NRXN3: variants seen among roughly 807,000 people sequenced by gnomAD.
The protein encoded by NRXN3 is neurexin III.
A neutral mutation model predicts 137.6 loss-of-function variants in NRXN3; 32 were observed. The ratio of observed to expected loss-of-function variants is 0.23; its 90% confidence interval spans 0.18 to 0.31. The LOEUF is 0.31. Among genes scored for constraint, NRXN3 ranks in the 10% least tolerant of loss-of-function variants. The pLI is 1.00. For synonymous variants in NRXN3, 798 were observed against 784.5 expected, an observed-to-expected ratio of 1.02 and a Z score of -0.29; for missense variants, 1,574 against 2,062.5, an observed-to-expected ratio of 0.76 and a Z score of 4.59.
chr14:79,531,638 A>G (rs1261743914), intron 16 of NRXN3, among the ~76,000 whole-genome samples: 1 of 152,208 alleles, frequency 6.6e-6, no homozygotes, highest in Non-Finnish European at 1.5e-5. Flanking sequence ...GAAAATTATA[A>G]GATAGTGTAT....
At chr14:79,847,649 A>T (rs2099382445) in intron 20 of NRXN3, among the ~76,000 whole-genome samples, 2 of 152,242 alleles carry the variant, frequency 1.3e-5, no homozygotes, top group African/African-American at 2.4e-5. Flanking sequence ...GCTATATTTT[A>T]TGAGCTCAGC....
At chr14:78,349,470 C>T (rs1269360700) in intron 4 of NRXN3, among the ~76,000 whole-genome samples, 3 of 152,226 alleles carry the variant, frequency 2.0e-5, no homozygotes, top group Non-Finnish European at 2.9e-5. Context: ...TTCTTCCTTT[C>T]CGAGTCCCCA....
chr14:79,197,890 C>T (rs1466418529), intron 15 of NRXN3, among the ~76,000 whole-genome samples: 1 of 152,152 alleles, frequency 6.6e-6, no homozygotes, highest in African/African-American at 2.4e-5. Flanking sequence ...CAAACCCTGC[C>T]ATTGCTTTTT....
Position 79,771,497 on chromosome 14 carries a change from G to A in NRXN3, c.4015-33615G>A, listed in dbSNP as rs2099078340. ...TACGCAAATCAATCAATGTAATCCA[G>A]CATATAAACAGAACCAAAGACAAAA... On this transcript the variant is annotated intron_variant, in intron 19 of 20. Coordinates refer to ENST00000335750, the MANE Select transcript of NRXN3 (RefSeq NM_001330195.2). Among the ~76,000 whole-genome samples, 6 of 151,678 alleles carry A rather than the reference G, an allele frequency of 4.0e-5. No individual in the cohort carries two copies. The South Asian group carries it at 1.3e-3, about 32-fold the overall frequency.
intron 4 of NRXN3, among the ~76,000 whole-genome samples, chr14:78,436,601 C>T (rs183433992): frequency 1.2e-4 from 18 of 152,366 alleles, no homozygotes; most frequent in Non-Finnish European, 2.4e-4. Flanking sequence ...CCACCACCCA[C>T]ATGTGCTATT....
intron 4 of NRXN3, among the ~76,000 whole-genome samples, chr14:78,592,422 G>A (rs1363269197): frequency 6.6e-6 from 1 of 152,084 alleles, no homozygotes; most frequent in Non-Finnish European, 1.5e-5. Context: ...GCTCCCCAAG[G>A]GTCCAACAGA....
chr14:79,198,622 G>A (rs1023582736), intron 15 of NRXN3, among the ~76,000 whole-genome samples: 1 of 152,196 alleles, frequency 6.6e-6, no homozygotes, highest in African/African-American at 2.4e-5. Flanking sequence ...AGAATAAGCA[G>A]ATGAAAATTT....
chr14:78,531,875 A>C (rs547459966), intron 4 of NRXN3, among the ~76,000 whole-genome samples: 6 of 152,218 alleles, frequency 3.9e-5, no homozygotes, highest in Non-Finnish European at 8.8e-5. Flanking sequence ...TTATGCTTTC[A>C]GAATTTTCAG....
At chr14:79,083,193 A>G (rs1019093890) in intron 15 of NRXN3, among the ~76,000 whole-genome samples, 2 of 152,212 alleles carry the variant, frequency 1.3e-5, no homozygotes, top group Non-Finnish European at 1.5e-5. Flanking sequence ...CCTGCAGCAT[A>G]TAGCATTACT....
chr14:79,685,304 A>AAACTT (rs149539934), intron 17 of NRXN3, among the ~76,000 whole-genome samples: 12,664 of 152,188 alleles, frequency 0.083, 610 homozygotes, highest in Middle Eastern at 0.16. Flanking sequence ...GAAGAAACTA[A>AAACTT]AACTTAAAAT....
chr14:78,728,197 G>C (rs2152891368), intron 8 of NRXN3, among the ~76,000 whole-genome samples: 1 of 152,168 alleles, frequency 6.6e-6, no homozygotes. Context: ...CTGCTGTGTG[G>C]GTCAGAAGAT....
At chr14:78,926,751 T>TTA (rs537248291) in intron 10 of NRXN3, among the ~76,000 whole-genome samples, 2 of 59,184 alleles carry the variant, frequency 3.4e-5, no homozygotes, top group East Asian at 4.9e-4. Flanking sequence ...ATATTATATA[T>TTA]TATATATATA....
At chr14:78,423,239 A>G (rs551667933) in intron 4 of NRXN3, among the ~76,000 whole-genome samples, 9 of 152,222 alleles carry the variant, frequency 5.9e-5, no homozygotes, top group Non-Finnish European at 1.0e-4. Context: ...AGGAAGAGAA[A>G]GAAGACATAG....
intron 15 of NRXN3, among the ~76,000 whole-genome samples, chr14:79,156,493 A>C (rs903188665): frequency 6.6e-6 from 1 of 151,856 alleles, no homozygotes. Context: ...TTCAGGAAGC[A>C]AGGTTAAACA....
At chr14:79,203,395 A>G (rs2066340582) in intron 15 of NRXN3, among the ~76,000 whole-genome samples, 1 of 152,232 alleles carries the variant, frequency 6.6e-6, no homozygotes, top group African/African-American at 2.4e-5. Flanking sequence ...AATAGATTTG[A>G]TAAACATACT....
chr14:78,259,111 G>A lies in NRXN3; in HGVS notation c.709+15309G>A, dbSNP rs551149628. On this transcript the variant is annotated intron_variant, in intron 2 of 20. Transcript: ENST00000335750. ...CGTGCTACTGCACTCCAGCCTGGGC[G>A]ACAGTGCGAGACTCCATCTCAAAAA... is the stretch of plus-strand genomic sequence containing the variant. Among the ~76,000 whole-genome samples the A allele has an allele frequency of 1.6e-3, 231 of 143,008 alleles. 2 individuals carry two copies. The highest frequency in any genetic ancestry group is 2.0e-3 in the Non-Finnish European group (131 of 66,908). The allele number at this position is 143,008 out of a possible 152,430, so 93.8% of individuals were successfully genotyped here. A position where few individuals can be genotyped will look rare whatever the true frequency, so the allele number is the denominator to read the frequency against.
At chr14:78,835,694 A>T (rs756129479) in intron 10 of NRXN3, among the ~76,000 whole-genome samples, 13 of 152,118 alleles carry the variant, frequency 8.5e-5, no homozygotes, top group Non-Finnish European at 1.8e-4. Context: ...TCAGCTATGT[A>T]CAGGTCCCAA....
chr14:79,241,805 G>A lies in NRXN3; in HGVS notation c.3263-225416G>A, dbSNP rs966928737. ...ATGCTGGCCAGGTATGGTGGCTCAC[G>A]CCTGTAATCCCAACACTTTGGGAGG... On this transcript the variant is annotated intron_variant, in intron 15 of 20. Transcript: ENST00000335750. Among the ~76,000 whole-genome samples, 8 of 152,204 alleles carry A rather than the reference G, an allele frequency of 5.3e-5. No homozygotes were observed. The East Asian group carries it at 5.8e-4, about 11-fold the overall frequency.
At chr14:79,709,485 A>G (rs902210937) in intron 19 of NRXN3, among the ~76,000 whole-genome samples, 1 of 152,172 alleles carries the variant, frequency 6.6e-6, no homozygotes, top group Admixed American at 6.5e-5. Context: ...GGAAAAAAAC[A>G]TAGGTAAAAT....
Sources: gnomAD v4.1 joint callset for allele counts (sites outside exome capture counted in the v4.1 genomes callset) on GRCh38, gnomAD v4.1.1 for gene constraint, MANE v1.5 for transcripts, NCBI Gene and HGNC (gene_info 2026-07-23, HGNC 2026-07-21) for gene names.